The following RANBP2 variants were observed in gnomAD, a reference collection of about 807,000 sequenced individuals.
RANBP2 encodes the protein E3 SUMO-protein ligase RanBP2.
RANBP2 carries 57 observed loss-of-function variants against 303.6 expected under a neutral mutation model. The ratio of observed to expected loss-of-function variants is 0.19; its 90% CI spans 0.15 to 0.23. The LOEUF is 0.23. RANBP2 is among the 10% of genes least tolerant of loss of function. RANBP2 has a pLI of 1.00. For missense variants in RANBP2, 3,138 were observed against 3,780.8 expected (o/e 0.83, Z 4.46); for synonymous variants, 1,167 against 1,301.5 (o/e 0.90, Z 2.23).
chr2:108,735,378 ACT>A (rs1695488966), intron 4 of RANBP2, among the ~76,000 whole-genome samples, 152 bp from the exon 5 acceptor site: 1 of 152,078 alleles, frequency 6.6e-6, no homozygotes, highest in Admixed American at 6.6e-5. Context: ...GTTGTAAGCA[ACT>A]CTCAGAAGGG....
Position 108,751,394 on chromosome 2 carries a change from C to G in RANBP2, c.1404C>G (p.Thr468=). ...TTTTCCATCATTTGCCCCATGAAAC[C>G]TCAAGGCTTGAAACAAATGCACCTG... ...KQLFHHLPHE[T]SRLETNAPES... is the part of the protein sequence containing the mutation. Residue 468 remains threonine (T), a synonymous_variant, in exon 10 of 29, where the codon ACC becomes ACG. Coordinates refer to ENST00000283195, the MANE Select transcript of RANBP2 (RefSeq NM_006267.5). 6.2e-6 allele frequency: 10 copies of G among 1,611,984 alleles called. No individual in the cohort carries two copies. Among genetic ancestry groups the G allele is most frequent in the Non-Finnish European group, 8.5e-6 (10 of 1,179,854 alleles).
chr2:109,156,118 C>T, the RANBP2 span, among the ~76,000 whole-genome samples: 4 of 152,212 alleles, frequency 2.6e-5, no homozygotes, highest in Admixed American at 2.0e-4. Flanking sequence ...TGCTTGCTAG[C>T]CATCCTCCCA....
chr2:109,554,493 A>G, the RANBP2 span, among the ~76,000 whole-genome samples: 2 of 152,178 alleles, frequency 1.3e-5, no homozygotes, highest in African/African-American at 4.8e-5. Context: ...ACAGCATGCC[A>G]TTCCATTGCA....
the RANBP2 span, among the ~76,000 whole-genome samples, chr2:109,551,964 T>C: frequency 1.3e-5 from 2 of 152,200 alleles, no homozygotes; most frequent in Non-Finnish European, 2.9e-5. Flanking sequence ...CGCGGACCAG[T>C]ACTGGTCCAT....
chr2:109,312,151 T>C, the RANBP2 span, among the ~76,000 whole-genome samples: 1 of 152,232 alleles, frequency 6.6e-6, no homozygotes, highest in Non-Finnish European at 1.5e-5. Flanking sequence ...TATTTGGTTA[T>C]TTCAGAACTC....
chr2:109,321,823 G>C, the RANBP2 span, among the ~76,000 whole-genome samples: 1 of 152,206 alleles, frequency 6.6e-6, no homozygotes, highest in East Asian at 1.9e-4. Flanking sequence ...GACATCAGAG[G>C]CTGGCCATGA....
chr2:109,480,072 A>G, the RANBP2 span, among the ~76,000 whole-genome samples: 1 of 152,202 alleles, frequency 6.6e-6, no homozygotes. Flanking sequence ...AAAGGACCCC[A>G]TCCTGGCACT....
chr2:109,354,999 A>C, the RANBP2 span, among the ~76,000 whole-genome samples: 1 of 152,222 alleles, frequency 6.6e-6, no homozygotes, highest in African/African-American at 2.4e-5. Flanking sequence ...AAGAAAGGTG[A>C]TATAGTTTTT....
At chr2:108,957,972 A>G in the RANBP2 span, among the ~76,000 whole-genome samples, 1 of 152,232 alleles carries the variant, frequency 6.6e-6, no homozygotes, top group East Asian at 1.9e-4. Flanking sequence ...ATGAACTACC[A>G]GCAGTTTAAC....
At chr2:108,859,261 T>C in the RANBP2 span, among the ~76,000 whole-genome samples, 1 of 152,206 alleles carries the variant, frequency 6.6e-6, no homozygotes, top group Non-Finnish European at 1.5e-5. Context: ...CTTTTTCTCA[T>C]TGATTTGTTT....
the RANBP2 span, chr2:109,614,926 C>G: frequency 1.3e-6 from 2 of 1,493,916 alleles, no homozygotes; most frequent in Non-Finnish European, 1.8e-6. Context: ...GCGCACTGGC[C>G]GCCCCTGAGC....
chr2:109,216,460 C>A, the RANBP2 span, among the ~76,000 whole-genome samples: 6 of 152,190 alleles, frequency 3.9e-5, no homozygotes, highest in African/African-American at 9.7e-5. Flanking sequence ...CACTTGAGGG[C>A]GGTGCAGGGC....
the RANBP2 span, among the ~76,000 whole-genome samples, chr2:109,183,083 C>T: frequency 1.3e-5 from 2 of 152,186 alleles, no homozygotes; most frequent in African/African-American, 4.8e-5. Flanking sequence ...ATTTATTCAG[C>T]ACTAAAAATT....
At chr2:108,962,129 C>T in the RANBP2 span, among the ~76,000 whole-genome samples, 1 of 152,198 alleles carries the variant, frequency 6.6e-6, no homozygotes, top group Non-Finnish European at 1.5e-5. Context: ...GGTAGGGTAG[C>T]ATGTGGCGCC....
At chr2:109,487,852 G>A in the RANBP2 span, among the ~76,000 whole-genome samples, 8 of 152,236 alleles carry the variant, frequency 5.3e-5, no homozygotes, top group Non-Finnish European at 1.5e-5. Context: ...TTGAATGCCT[G>A]TTGTGTTCTC....
the RANBP2 span, among the ~76,000 whole-genome samples, chr2:109,621,744 T>A: frequency 3.3e-5 from 5 of 151,888 alleles, no homozygotes; most frequent in Non-Finnish European, 7.4e-5. Context: ...AAACCCCATC[T>A]CTACTAAAAA....
chr2:108,980,539 T>C, the RANBP2 span, among the ~76,000 whole-genome samples: 1 of 152,196 alleles, frequency 6.6e-6, no homozygotes, highest in African/African-American at 2.4e-5. Context: ...TATATATTTA[T>C]GTGATATTAC....
the RANBP2 span, among the ~76,000 whole-genome samples, chr2:109,444,829 A>G: frequency 1.3e-5 from 2 of 152,252 alleles, no homozygotes; most frequent in African/African-American, 4.8e-5. Context: ...AAGTTAGCCA[A>G]TAAACTCAAG....
the RANBP2 span, among the ~76,000 whole-genome samples, chr2:109,113,623 T>C: frequency 1.3e-5 from 2 of 152,248 alleles, no homozygotes; most frequent in Non-Finnish European, 2.9e-5. Context: ...GAATACCCTT[T>C]ATTTCCTTCT....
Sources: gnomAD v4.1 joint callset for allele counts (sites outside exome capture counted in the v4.1 genomes callset) on GRCh38, gnomAD v4.1.1 for gene constraint, MANE v1.5 for transcripts, NCBI Gene and HGNC (gene_info 2026-07-23, HGNC 2026-07-21) for gene names.